Variants in PRR11 observed in about 807,000 individuals in gnomAD.
PRR11 encodes the protein proline-rich protein 11.
In PRR11, 30 loss-of-function variants were observed where a neutral mutation model predicts 45.6. The observed-to-expected ratio is 0.66, with a 90% CI of 0.49 to 0.89. The LOEUF (loss-of-function observed/expected upper bound fraction) is 0.89, where lower values mean the gene tolerates loss of function less well. Among genes scored for constraint, PRR11 ranks in the 40% least tolerant of loss-of-function variants. PRR11 has a pLI of 0.00. For synonymous variants in PRR11, 128 were observed against 153.5 expected, an observed-to-expected ratio of 0.83 and a Z score of 1.23; for missense variants, 373 against 424.8, an observed-to-expected ratio of 0.88 and a Z score of 1.07.
At position 59,206,588 on chromosome 17, in the gene PRR11, A is replaced by G. The variant is rs1247449259; in HGVS notation, c.*4957A>G. On this transcript the variant is annotated 3_prime_UTR_variant, in exon 10 of 10. Coordinates refer to ENST00000262293, the MANE Select transcript of PRR11 (RefSeq NM_018304.4). ...CTATGGCTTCCTTAAACTACGATTT[A>G]TCATATGCTCCCAGTGTTTACTTTG... is the stretch of plus-strand genomic sequence containing the variant. Among the ~76,000 whole-genome samples, 1 of 152,228 alleles carries G rather than the reference A, an allele frequency of 6.6e-6. No individual in the cohort carries two copies. The highest frequency in any genetic ancestry group is 1.5e-5 in the Non-Finnish European group (1 of 68,042).
chr17:59,179,988 G>A (rs1018813637), intron 2 of PRR11: 4 of 1,112,804 alleles, frequency 3.6e-6, no homozygotes, highest in Non-Finnish European at 5.2e-6. Context: ...GCAGACTGCT[G>A]GCTTCTCCAA....
chr17:59,182,601 C>T (rs2046793993), intron 2 of PRR11, among the ~76,000 whole-genome samples: 1 of 151,566 alleles, frequency 6.6e-6, no homozygotes. Flanking sequence ...CCATGTTGGC[C>T]AGGCTCGTCT....
At chr17:59,189,564 C>T (rs935951334) in intron 4 of PRR11, among the ~76,000 whole-genome samples, 1 of 152,024 alleles carries the variant, frequency 6.6e-6, no homozygotes, top group African/African-American at 2.4e-5. Flanking sequence ...GAACTCCTGA[C>T]CTCAAGTGAT....
rs1444994742 is a variant in PRR11, at chr17:59,172,251, A to T, written c.128+2371A>T. On this transcript the variant is annotated intron_variant, in intron 2 of 9. Transcript: ENST00000262293. ...AGGACCTCCAGGTTCCGCCCCAGGG[A>T]GGTTGGAATTCAGCGGTATAAAAAT... Among the ~76,000 whole-genome samples, 3 of 152,150 alleles carry T rather than the reference A, an allele frequency of 2.0e-5. No homozygotes were observed. In the East Asian group the frequency reaches 5.8e-4, roughly 29 times the overall value.
intron 2 of PRR11, chr17:59,181,922 C>A: frequency 1.7e-6 from 2 of 1,143,998 alleles, no homozygotes; most frequent in Non-Finnish European, 2.4e-6. Flanking sequence ...CGCTCCTTCC[C>A]CTCCCCATTC....
intron 2 of PRR11, chr17:59,178,420 C>A: frequency 2.1e-6 from 1 of 482,744 alleles, no homozygotes; most frequent in Non-Finnish European, 4.1e-6. Flanking sequence ...GCTGCACCCT[C>A]CCCCTGGCAG....
rs145653999 is a variant in PRR11, at chr17:59,191,921, G to C, written c.403-1571G>C. 2.3e-3 allele frequency among the ~76,000 whole-genome samples: 356 copies of C among 152,222 alleles called. 3 individuals are homozygous for C. Among genetic ancestry groups the C allele is most frequent in the African/African-American group, 8.2e-3 (342 of 41,546 alleles). On this transcript the variant is annotated intron_variant, in intron 4 of 9. Transcript: ENST00000262293. ...AAGGCAAGTCATTTAACTCCTCTGG[G>C]CCTCAGTTTCCTCCTCTATAAATTT... is the stretch of plus-strand genomic sequence containing the variant.
chr17:59,197,745 G>T lies in PRR11; in HGVS notation c.970G>T (p.Gly324Ter), dbSNP rs759693163. 8.1e-6 allele frequency: 13 copies of T among 1,613,876 alleles called. No homozygotes were observed. Among genetic ancestry groups the T allele is most frequent in the Non-Finnish European group, 1.1e-5 (13 of 1,180,038 alleles). ...TNKENMETGT[G>*]LTPVMTQALR... ...TAAGGAAAATATGGAAACAGGAACAGGACTGACTCCAGTGATGACGCAGGC... is the reference window on the plus strand; with the variant it reads ...TAAGGAAAATATGGAAACAGGAACATGACTGACTCCAGTGATGACGCAGGC... The change falls in exon 9 of 10, where the codon GGA becomes TGA. Residue 324 changes from glycine (G) to a stop codon, truncating the protein, a stop_gained. Transcript: ENST00000262293. LOFTEE classifies it high-confidence loss of function.
chr17:59,197,406 C>T (rs530801943), intron 7 of PRR11, 138 bp from the exon 8 acceptor site: 1 of 764,006 alleles, frequency 1.3e-6, no homozygotes, highest in Non-Finnish European at 2.1e-6. Context: ...CGCCCACCAC[C>T]ACACCTGGCT....
In PRR11 at chr17:59,185,082, C is replaced by T; in HGVS notation, c.157C>T (p.Gln53Ter). ...CGGTATTTCTTCAATAGATATATCT[C>T]AAAGCAGAAGCTGGCTAACATCATC... ...RVGISSIDIS[Q>*]SRSWLTSSWN... The change falls in exon 3 of 10, where the codon CAA becomes TAA. Residue 53 changes from glutamine to a stop codon, truncating the protein, a stop_gained. Transcript: ENST00000262293. LOFTEE classifies it high-confidence loss of function. 6.2e-7 allele frequency: 1 copy of T among 1,609,370 alleles called. No homozygotes were observed. Among genetic ancestry groups the T allele is most frequent in the Non-Finnish European group, 8.5e-7 (1 of 1,177,364 alleles).
At chr17:59,172,560 G>A (rs949747074) in intron 2 of PRR11, among the ~76,000 whole-genome samples, 4 of 152,254 alleles carry the variant, frequency 2.6e-5, no homozygotes, top group African/African-American at 4.8e-5. Flanking sequence ...TGCGCGCTGC[G>A]CTTGCATGCC....
chr17:59,157,476 C>T (rs553170660), intron 1 of PRR11, among the ~76,000 whole-genome samples: 25 of 152,188 alleles, frequency 1.6e-4, no homozygotes, highest in African/African-American at 5.3e-4. Flanking sequence ...ATGAAGCGGG[C>T]GGATCACTTG....
In PRR11 at chr17:59,161,187, A is replaced by ATCCTAGTACTTTGGGAGG. The variant is rs1357272089; in HGVS notation, c.-6+5382_-6+5383insTCCTAGTACTTTGGGAGG. Reference sequence around the variant, plus strand: ...TTTGGGAGGCCGAGGGAGGCGGATAACCTGAGGTCAGCAGTTCAAGACCAG... The same window carrying ATCCTAGTACTTTGGGAGG: ...TTTGGGAGGCCGAGGGAGGCGGATAATCCTAGTACTTTGGGAGGCCTGAGGTCAGCAGTTCAAGACCAG... On this transcript the variant is annotated intron_variant, in intron 1 of 9. Coordinates refer to ENST00000262293, the MANE Select transcript of PRR11 (RefSeq NM_018304.4). 2.0e-4 allele frequency among the ~76,000 whole-genome samples: 31 copies of ATCCTAGTACTTTGGGAGG among 152,092 alleles called. 1 individual carries two copies. Among genetic ancestry groups the ATCCTAGTACTTTGGGAGG allele is most frequent in the Non-Finnish European group, 1.6e-4 (11 of 67,998 alleles).
chr17:59,198,441 C>T (rs573148555), intron 9 of PRR11, among the ~76,000 whole-genome samples: 2 of 152,102 alleles, frequency 1.3e-5, no homozygotes, highest in South Asian at 2.1e-4. Context: ...TTTGGAAGGC[C>T]GAGGCAGGTG....
chr17:59,181,550 CG>C, intron 2 of PRR11: 1 of 1,226,494 alleles, frequency 8.2e-7, no homozygotes, highest in Non-Finnish European at 1.2e-6. Context: ...TCAGGGAGCA[CG>C]AATGACACTA....
At chr17:59,176,684 C>CTTTTTTTTTTTTTTTT (rs71367676) in intron 2 of PRR11, among the ~76,000 whole-genome samples, 1 of 39,002 alleles carries the variant, frequency 2.6e-5, no homozygotes, top group African/African-American at 1.2e-4. Flanking sequence ...GTTTTTTTGG[C>CTTTTTTTTTTTTTTTT]TTTTTTTTTT....
intron 2 of PRR11, among the ~76,000 whole-genome samples, chr17:59,183,834 A>G (rs1421750919): frequency 6.6e-6 from 1 of 152,200 alleles, no homozygotes; most frequent in South Asian, 2.1e-4. Context: ...ACAGTGGCTC[A>G]TGTTTGTAAT....
At chr17:59,190,232 G>A (rs1434309155) in intron 4 of PRR11, among the ~76,000 whole-genome samples, 1 of 152,170 alleles carries the variant, frequency 6.6e-6, no homozygotes, top group African/African-American at 2.4e-5. Context: ...AGCACTTTGG[G>A]AGGCCAAGGC....
intron 2 of PRR11, among the ~76,000 whole-genome samples, chr17:59,183,812 T>A (rs1881354970): frequency 6.6e-6 from 1 of 151,972 alleles, no homozygotes; most frequent in African/African-American, 2.4e-5. Flanking sequence ...AGTCGAAAAA[T>A]CTCAGCTGTG....
Sources: gnomAD v4.1 joint callset for allele counts (sites outside exome capture counted in the v4.1 genomes callset) on GRCh38, gnomAD v4.1.1 for gene constraint, MANE v1.5 for transcripts, NCBI Gene and HGNC (gene_info 2026-07-23, HGNC 2026-07-21) for gene names.